JMJD1C: variants seen among roughly 807,000 people sequenced by gnomAD.
JMJD1C encodes jumonji domain-containing protein 1C.
In JMJD1C, 31 loss-of-function variants were observed where a neutral mutation model predicts 245.3. That is an observed-to-expected ratio of 0.13 (90% CI 0.09 to 0.17). The LOEUF (loss-of-function observed/expected upper bound fraction) is 0.17. Among genes scored for constraint, JMJD1C ranks in the 10% least tolerant of loss-of-function variants. The pLI is 1.00. For synonymous variants in JMJD1C, 1,057 were observed against 1,017.4 expected, an observed-to-expected ratio of 1.04 and a Z score of -0.74; for missense variants, 2,691 against 3,000.2, an observed-to-expected ratio of 0.90 and a Z score of 2.41.
intron 3 of JMJD1C, among the ~76,000 whole-genome samples, chr10:63,239,599 C>A (rs756539539): frequency 6.6e-6 from 1 of 152,148 alleles, no homozygotes; most frequent in East Asian, 1.9e-4. Context: ...CATGTGCCAC[C>A]ACACACGGCT....
intron 2 of JMJD1C, among the ~76,000 whole-genome samples, chr10:63,319,255 TAAAAAA>T (rs59018554): frequency 4.0e-4 from 34 of 85,938 alleles, no homozygotes; most frequent in Admixed American, 1.2e-3. Context: ...AGACTCCATC[TAAAAAA>T]AAAAAAAAAA....
rs949086361 is a variant in JMJD1C at position 63,209,141 on chromosome 10, G to C, written c.2789C>G (p.Ala930Gly). Residue 930 changes from alanine to glycine, a missense_variant, in exon 9 of 26, where the codon GCA becomes GGA. Physicochemically the swap from Ala to Gly is moderately conservative, Grantham distance 60. Coordinates refer to ENST00000399262, the MANE Select transcript of JMJD1C (RefSeq NM_032776.3). ...LSHIPVRPSS[A>G]EPHRPLKITA... ...AATTTTAAGAGGCCGATGAGGCTCTGCACTGGAAGGTCTGACAGGAATGTG... is the reference window on the plus strand; with the variant it reads ...AATTTTAAGAGGCCGATGAGGCTCTCCACTGGAAGGTCTGACAGGAATGTG... 6.2e-7 allele frequency: 1 copy of C among 1,613,864 alleles called. No homozygotes were observed. Among genetic ancestry groups the C allele is most frequent in the Non-Finnish European group, 8.5e-7 (1 of 1,179,878 alleles).
intron 2 of JMJD1C, among the ~76,000 whole-genome samples, chr10:63,361,155 T>C (rs961948966): frequency 3.3e-5 from 5 of 152,192 alleles, no homozygotes; most frequent in Admixed American, 2.0e-4. Context: ...AGGTGCAGTA[T>C]CTCACATCTG....
chr10:63,369,959 A>G (rs116925651), intron 2 of JMJD1C, among the ~76,000 whole-genome samples: 2,606 of 152,344 alleles, frequency 0.017, 264 homozygotes, highest in Admixed American at 0.15. Context: ...AGTGAGAACT[A>G]AAGTTATTAG....
chr10:63,272,726 C>G, intron 2 of JMJD1C, among the ~76,000 whole-genome samples: 1 of 152,284 alleles, frequency 6.6e-6, no homozygotes, highest in East Asian at 1.9e-4. Flanking sequence ...ATGCTTAATA[C>G]AGCTTAATAT....
chr10:63,243,077 A>G (rs1185956794), intron 3 of JMJD1C, among the ~76,000 whole-genome samples: 2 of 143,398 alleles, frequency 1.4e-5, no homozygotes, highest in African/African-American at 2.6e-5. Context: ...GACTTCTCTC[A>G]AAGAGCCAAA....
At chr10:63,396,029 T>C (rs1263362464) in intron 1 of JMJD1C, among the ~76,000 whole-genome samples, 2 of 152,200 alleles carry the variant, frequency 1.3e-5, no homozygotes, top group Admixed American at 6.5e-5. Flanking sequence ...CAAGACTGCA[T>C]TTGTCCTAAT....
intron 2 of JMJD1C, among the ~76,000 whole-genome samples, chr10:63,290,611 T>C (rs768792028): frequency 9.9e-5 from 15 of 152,046 alleles, no homozygotes; most frequent in Non-Finnish European, 2.1e-4. Context: ...AGCGATAATA[T>C]AGGGAAAAGC....
rs1189670126 is a variant in JMJD1C at position 63,264,762 on chromosome 10, A to G, written c.336T>C (p.Thr112=). The change falls in exon 3 of 26, where the codon ACT becomes ACC. Residue 112 remains threonine (T), a splice_region_variant and synonymous_variant. Transcript: ENST00000399262. ...KSKQIQWPAL[T]FKPLVERNIP... is the part of the protein sequence containing the mutation. ...TATTTCTTTCAACCAGAGGTTTGAAAGTCTGCCAAGAAAAAAAAAATTTCT... is the reference window on the plus strand; with the variant it reads ...TATTTCTTTCAACCAGAGGTTTGAAGGTCTGCCAAGAAAAAAAAAATTTCT... The G allele has an allele frequency of 6.6e-7, 1 of 1,516,874 alleles. No individual in the cohort carries two copies. Among genetic ancestry groups the G allele is most frequent in the Non-Finnish European group, 9.0e-7 (1 of 1,112,130 alleles). 94.0% of individuals were successfully genotyped at this position (1,516,874 alleles called of 1,614,324 possible).
Position 63,214,457 on chromosome 10 carries a change from A to C in JMJD1C, c.1710T>G (p.Val570=). ...CACTTGATTGGGTTAGATCCACTTT[A>C]ACTACATCACTGACCCAGCTCTGGT... ...DSDQSWVSDV[V]KVDLTQSSVT... The change falls in exon 8 of 26, where the codon GTT becomes GTG. Residue 570 remains valine, a synonymous_variant. Coordinates refer to ENST00000399262, the MANE Select transcript of JMJD1C (RefSeq NM_032776.3). 1 of 1,613,978 alleles carries C rather than the reference A, an allele frequency of 6.2e-7. No homozygotes were observed. Among genetic ancestry groups the C allele is most frequent in the Non-Finnish European group, 8.5e-7 (1 of 1,179,974 alleles).
At chr10:63,262,770 G>A (rs1854948781) in intron 3 of JMJD1C, among the ~76,000 whole-genome samples, 2 of 152,068 alleles carry the variant, frequency 1.3e-5, no homozygotes, top group South Asian at 2.1e-4. Context: ...ACTAAACTGC[G>A]TTAAGACTTT....
rs1044457545 is a variant in JMJD1C, at chr10:63,375,756, C to A, written c.333+4562G>T. On this transcript the variant is annotated intron_variant, in intron 2 of 25. Coordinates refer to ENST00000399262, the MANE Select transcript of JMJD1C (RefSeq NM_032776.3). ...TTTTTGCAGAGAAGGGGGCTCGCTGCATTGTTCAGCCTGGTGTTGAGCTCC... is the reference window on the plus strand; with the variant it reads ...TTTTTGCAGAGAAGGGGGCTCGCTGAATTGTTCAGCCTGGTGTTGAGCTCC... Among the ~76,000 whole-genome samples, 6 of 152,076 alleles carry A rather than the reference C, an allele frequency of 3.9e-5. No homozygotes were observed. The South Asian group carries it at 1.0e-3, about 26-fold the overall frequency.
intron 1 of JMJD1C, among the ~76,000 whole-genome samples, chr10:63,431,499 C>T (rs1266697747): frequency 6.6e-6 from 1 of 152,184 alleles, no homozygotes. Flanking sequence ...CTCCTGCTTT[C>T]TTACCAAAAG....
chr10:63,417,311 G>GA (rs1366300075), intron 1 of JMJD1C, among the ~76,000 whole-genome samples: 4 of 152,140 alleles, frequency 2.6e-5, no homozygotes, highest in African/African-American at 9.7e-5. Flanking sequence ...TTTAAAAGCA[G>GA]AAATTAAATT....
intron 12 of JMJD1C, among the ~76,000 whole-genome samples, chr10:63,197,814 T>C (rs2133057796): frequency 6.6e-6 from 1 of 152,344 alleles, no homozygotes; most frequent in South Asian, 2.1e-4. Flanking sequence ...TTTTGACATT[T>C]TAGGTTGAAT....
intron 1 of JMJD1C, among the ~76,000 whole-genome samples, chr10:63,419,076 CA>C (rs34710445): frequency 0.028 from 2,853 of 103,294 alleles, 83 homozygotes; most frequent in African/African-American, 0.088. Context: ...GACTCCATCT[CA>C]AAAAAAAAAA....
At position 63,217,161 on chromosome 10, in the gene JMJD1C, T is replaced by C; in HGVS notation, c.678+46A>G. 5 of 1,550,718 alleles carry C rather than the reference T, an allele frequency of 3.2e-6. No homozygotes were observed. The South Asian group carries it at 5.9e-5, about 18-fold the overall frequency. On this transcript the variant is annotated intron_variant, in intron 5 of 25. Transcript: ENST00000399262. The stretch of plus-strand genomic sequence containing the variant: ...GATGTATTTTGGGGGGCATGGATGA[T>C]TTGAACTTTTAAAATCTCTATAAAA...
rs142715911 is a variant in JMJD1C at position 63,269,959 on chromosome 10, G to A, written c.334-5195C>T. 2.6e-5 allele frequency among the ~76,000 whole-genome samples: 4 copies of A among 152,140 alleles called. No homozygotes were observed. The East Asian group carries it at 7.7e-4, about 29-fold the overall frequency. Reference sequence around the variant, plus strand: ...GTTAATCTGAATTGAGATGTGTGATGTACAAAATACACATTGAATATAAAA... The same window carrying A: ...GTTAATCTGAATTGAGATGTGTGATATACAAAATACACATTGAATATAAAA... On this transcript the variant is annotated intron_variant, in intron 2 of 25. Transcript: ENST00000399262.
chr10:63,510,435 A>C lies in JMJD1C; in HGVS notation n.113+11303T>G, dbSNP rs567186065. Among the ~76,000 whole-genome samples, 8 of 152,338 alleles carry C rather than the reference A, an allele frequency of 5.3e-5. No individual in the cohort carries two copies. In the South Asian group the frequency reaches 8.3e-4, roughly 16 times the overall value. ...TTTGATTTATTTCAAAATATTTTTA[A>C]GTGTTTTTGAGATTCCTTCTTTGAA... is the stretch of plus-strand genomic sequence containing the variant. On this transcript the variant is annotated intron_variant and non_coding_transcript_variant, in intron 1 of 3. Transcript: ENST00000633035.
Sources: gnomAD v4.1 joint callset for allele counts (sites outside exome capture counted in the v4.1 genomes callset) on GRCh38, gnomAD v4.1.1 for gene constraint, MANE v1.5 for transcripts, NCBI Gene and HGNC (gene_info 2026-07-23, HGNC 2026-07-21) for gene names.